RRM2: variants seen among roughly 807,000 people sequenced by gnomAD.
RRM2 encodes ribonucleotide reductase regulatory subunit M2.
RRM2 carries 6 observed loss-of-function variants against 45.9 expected under a neutral mutation model. The observed-to-expected ratio is 0.13, with a 90% CI of 0.07 to 0.26. RRM2 has a LOEUF of 0.26. RRM2 is among the 10% of genes least tolerant of loss of function. RRM2 has a pLI of 1.00. For synonymous variants in RRM2, 177 were observed against 173.0 expected (o/e 1.02, Z -0.18); for missense variants, 343 against 489.5 (o/e 0.70, Z 2.82).
chr2:10,166,624 C>T (rs1025992014), intron 3 of RRM2, among the ~76,000 whole-genome samples: 3 of 152,224 alleles, frequency 2.0e-5, no homozygotes, highest in African/African-American at 2.4e-5. Flanking sequence ...AACTGAGGCC[C>T]GTCTGCGATG....
At chr2:10,132,603 T>A (rs1374412426), downstream of RRM2, among the ~76,000 whole-genome samples, 1 of 152,206 alleles carries the variant, frequency 6.6e-6, no homozygotes, top group Non-Finnish European at 1.5e-5. Flanking sequence ...TTTAAGTGAC[T>A]GGTACATGGG....
chr2:10,199,799 A>AAAAAAC (rs1558406232), intron 3 of RRM2, among the ~76,000 whole-genome samples: 9 of 149,804 alleles, frequency 6.0e-5, no homozygotes, highest in South Asian at 2.1e-4. Flanking sequence ...AAAAAAAAAA[A>AAAAAAC]AAAAAAAAAA....
At position 10,177,200 on chromosome 2, in the gene RRM2, C is replaced by T. The variant is rs148122870; in HGVS notation, n.483-33111C>T. 4.0e-3 allele frequency among the ~76,000 whole-genome samples: 609 copies of T among 152,078 alleles called. 2 individuals are homozygous for T. Among genetic ancestry groups the T allele is most frequent in the African/African-American group, 0.014 (572 of 41,480 alleles). On this transcript the variant is annotated intron_variant and non_coding_transcript_variant, in intron 3 of 3. Transcript: ENST00000381786. ...GTTGAAGGTTGCGGTGAACCAAGAT[C>T]GCACCATTGCACTCCAGCCTGGGCG...
intron 3 of RRM2, among the ~76,000 whole-genome samples, chr2:10,187,394 A>G (rs1179299758): frequency 6.6e-6 from 1 of 152,212 alleles, no homozygotes; most frequent in Non-Finnish European, 1.5e-5. Context: ...ATGGTAAGAT[A>G]CTACAGCCAT....
intron 3 of RRM2, among the ~76,000 whole-genome samples, chr2:10,170,148 C>T (rs1663768903): frequency 6.6e-6 from 1 of 152,208 alleles, no homozygotes; most frequent in African/African-American, 2.4e-5. Context: ...AGAGTGAGCA[C>T]CTGCACCTGC....
chr2:10,144,706 T>C (rs1663153942), intron 3 of RRM2, among the ~76,000 whole-genome samples: 2 of 152,204 alleles, frequency 1.3e-5, no homozygotes, highest in Non-Finnish European at 2.9e-5. Context: ...TTTGCTTCTA[T>C]AGAATCTAGG....
chr2:10,162,775 C>T (rs1484442828), intron 3 of RRM2, among the ~76,000 whole-genome samples: 2 of 152,080 alleles, frequency 1.3e-5, no homozygotes, highest in Non-Finnish European at 2.9e-5. Flanking sequence ...CTCTGGGCCT[C>T]AGGCACTCCA....
chr2:10,140,315 T>C (rs899487326), upstream of RRM2, among the ~76,000 whole-genome samples: 1 of 152,202 alleles, frequency 6.6e-6, no homozygotes, highest in African/African-American at 2.4e-5. Context: ...AAATTCAAAT[T>C]TCAGGGCCCA....
chr2:10,190,126 TGA>T (rs1664256588), intron 3 of RRM2, among the ~76,000 whole-genome samples: 1 of 149,904 alleles, frequency 6.7e-6, no homozygotes, highest in Non-Finnish European at 1.5e-5. Context: ...GTGATGGTGA[TGA>T]TGATGGTGAT....
chr2:10,210,625 C>G, exon 4 of RRM2: 2 of 1,354,216 alleles, frequency 1.5e-6, no homozygotes, highest in Non-Finnish European at 2.0e-6. Context: ...TTCAATCACA[C>G]CCACTGCCTC....
chr2:10,199,490 C>T (rs1664491587), intron 3 of RRM2, among the ~76,000 whole-genome samples: 3 of 151,996 alleles, frequency 2.0e-5, no homozygotes, highest in South Asian at 2.1e-4. Flanking sequence ...TATTAAAAGA[C>T]AAATCATGGG....
At chr2:10,159,400 C>T (rs1015926979) in intron 3 of RRM2, among the ~76,000 whole-genome samples, 5 of 152,302 alleles carry the variant, frequency 3.3e-5, no homozygotes, top group Middle Eastern at 3.4e-3. Context: ...GGCTGCCAGC[C>T]TTTGCATAGT....
At chr2:10,181,736 AG>A (rs1232297140) in intron 3 of RRM2, among the ~76,000 whole-genome samples, 19 of 134,476 alleles carry the variant, frequency 1.4e-4, no homozygotes, top group Non-Finnish European at 3.2e-4. Flanking sequence ...CAGACTGCAC[AG>A]CTCTCTCTCT....
At chr2:10,157,479 C>T (rs779101677) in intron 3 of RRM2, among the ~76,000 whole-genome samples, 69 of 152,198 alleles carry the variant, frequency 4.5e-4, no homozygotes, top group Non-Finnish European at 7.3e-4. Context: ...CCCAGGAAAC[C>T]CCTCTTGGCT....
At chr2:10,198,406 T>A (rs1467354095) in intron 3 of RRM2, among the ~76,000 whole-genome samples, 3 of 140,408 alleles carry the variant, frequency 2.1e-5, no homozygotes, top group African/African-American at 5.3e-5. Context: ...CTTTGGCCCA[T>A]TTTTTTTTTT....
In RRM2 at chr2:10,195,295, G is replaced by C. The variant is rs570501950; in HGVS notation, n.483-15016G>C. ...GGAGGGGCTTCACAGAGGAGGCAGC[G>C]GCTCAGGTGGTCCCAGGAGGATGGG... is the stretch of plus-strand genomic sequence containing the variant. On this transcript the variant is annotated intron_variant and non_coding_transcript_variant, in intron 3 of 3. Transcript: ENST00000381786. The surrounding 1 kb of genome is among the most constrained non-coding windows in gnomAD (Gnocchi z 4.9). Among the ~76,000 whole-genome samples the C allele has an allele frequency of 2.6e-5, 4 of 152,138 alleles. No individual in the cohort carries two copies. The highest frequency in any genetic ancestry group is 4.8e-5 in the African/African-American group (2 of 41,438).
rs972208195 is a variant in RRM2, at chr2:10,195,401, C to T, written n.483-14910C>T. Among the ~76,000 whole-genome samples, 4 of 151,960 alleles carry T rather than the reference C, an allele frequency of 2.6e-5. No homozygotes were observed. The highest frequency in any genetic ancestry group is 5.9e-5 in the Non-Finnish European group (4 of 67,952). On this transcript the variant is annotated intron_variant and non_coding_transcript_variant, in intron 3 of 3. Transcript: ENST00000381786. This position sits in a 1 kb window ranked among gnomAD's most constrained non-coding sequence, Gnocchi z 4.9. ...CTCTGAGCGGACAGTGCTGGCGGAG[C>T]CCTGGGGAGCACCGAGTCCCCGCCG...
At chr2:10,166,670 C>T in intron 3 of RRM2, among the ~76,000 whole-genome samples, 1 of 152,246 alleles carries the variant, frequency 6.6e-6, no homozygotes, top group Non-Finnish European at 1.5e-5. Flanking sequence ...GATCAAGGCT[C>T]AGCCTGTTGC....
intron 3 of RRM2, among the ~76,000 whole-genome samples, chr2:10,206,120 C>A (rs958172162): frequency 1.3e-5 from 2 of 151,878 alleles, no homozygotes; most frequent in Non-Finnish European, 2.9e-5. Context: ...GTGGTGGGCA[C>A]CTGTAGTTCC....
Sources: gnomAD v4.1 joint callset for allele counts (sites outside exome capture counted in the v4.1 genomes callset) on GRCh38, gnomAD v4.1.1 for gene constraint, Gnocchi (gnomAD v3.1) non-coding constraint, MANE v1.5 for transcripts, NCBI Gene and HGNC (gene_info 2026-07-23, HGNC 2026-07-21) for gene names.